SCHIP1: variants seen among roughly 807,000 people sequenced by gnomAD.
SCHIP1 encodes the protein schwannomin interacting protein 1, also known as schwannomin-interacting protein 1.
Under a neutral mutation model 29.7 loss-of-function variants are expected in SCHIP1, and 8 were observed. The ratio of observed to expected loss-of-function variants is 0.27; its 90% CI spans 0.16 to 0.49. The LOEUF is 0.49. Ranked by LOEUF, SCHIP1 falls within the 20% of genes least tolerant of loss-of-function variation. The pLI, the probability that SCHIP1 is intolerant of heterozygous loss-of-function variation, is 0.99. For missense variants in SCHIP1, 193 were observed against 294.6 expected, an observed-to-expected ratio of 0.66 and a Z score of 2.52; for synonymous variants, 76 against 94.9, an observed-to-expected ratio of 0.80 and a Z score of 1.16.
the SCHIP1 span, among the ~76,000 whole-genome samples, chr3:159,512,905 GT>G: frequency 2.8e-4 from 43 of 152,050 alleles, no homozygotes; most frequent in African/African-American, 1.0e-3. Context: ...GAGTTCAATT[GT>G]TTTGATTCTT....
chr3:159,328,626 C>T, the SCHIP1 span, among the ~76,000 whole-genome samples: 2 of 151,998 alleles, frequency 1.3e-5, no homozygotes, highest in Non-Finnish European at 2.9e-5. Flanking sequence ...CAGTGTGGAG[C>T]GTTGGGAGAA....
the SCHIP1 span, among the ~76,000 whole-genome samples, chr3:159,356,656 A>C: frequency 2.0e-5 from 3 of 152,226 alleles, no homozygotes; most frequent in African/African-American, 7.2e-5. Flanking sequence ...TGAACCATTA[A>C]CAACTTTTAA....
the SCHIP1 span, among the ~76,000 whole-genome samples, chr3:159,343,863 C>T: frequency 1.3e-5 from 2 of 152,042 alleles, no homozygotes; most frequent in Non-Finnish European, 2.9e-5. Context: ...TAAACAGAGG[C>T]ATATTATAAA....
the SCHIP1 span, among the ~76,000 whole-genome samples, chr3:159,581,473 C>T: frequency 2.3e-4 from 35 of 152,250 alleles, no homozygotes; most frequent in African/African-American, 6.7e-4. Flanking sequence ...TGCCCACCCG[C>T]GCCAGCAAAG....
intron 1 of SCHIP1, among the ~76,000 whole-genome samples, chr3:159,851,712 G>A (rs1464461567): frequency 2.0e-5 from 3 of 152,194 alleles, no homozygotes; most frequent in African/African-American, 7.2e-5. Context: ...TTGAGCACCT[G>A]CACGGGGCAC....
At chr3:159,568,322 C>A in the SCHIP1 span, among the ~76,000 whole-genome samples, 2 of 152,066 alleles carry the variant, frequency 1.3e-5, no homozygotes, top group African/African-American at 2.4e-5. Flanking sequence ...TAGGCCCCTC[C>A]ATACAATCTT....
the SCHIP1 span, among the ~76,000 whole-genome samples, chr3:159,438,715 C>A: frequency 1.3e-5 from 2 of 152,102 alleles, no homozygotes; most frequent in African/African-American, 4.8e-5. Context: ...CATTCAGCTC[C>A]CACTTATAAG....
At chr3:159,597,617 T>A in the SCHIP1 span, among the ~76,000 whole-genome samples, 16,270 of 152,104 alleles carry the variant, frequency 0.11, 945 homozygotes, top group Non-Finnish European at 0.14. Context: ...TCCTTTTTTT[T>A]AAAAAACAGG....
the SCHIP1 span, among the ~76,000 whole-genome samples, chr3:159,417,243 C>T: frequency 1.3e-5 from 2 of 152,266 alleles, no homozygotes; most frequent in African/African-American, 4.8e-5. Flanking sequence ...GGGTCCAAGT[C>T]ATTAGCACAA....
the SCHIP1 span, among the ~76,000 whole-genome samples, chr3:159,325,001 A>C: frequency 6.6e-6 from 1 of 152,084 alleles, no homozygotes; most frequent in African/African-American, 2.4e-5. Flanking sequence ...TGTCTTCATG[A>C]AGTTGTATGT....
At chr3:159,787,600 G>A in the SCHIP1 span, among the ~76,000 whole-genome samples, 1 of 152,160 alleles carries the variant, frequency 6.6e-6, no homozygotes, top group East Asian at 1.9e-4. Flanking sequence ...ATATTCTTTG[G>A]TTAACCTTTG....
At chr3:159,880,062 C>T (rs1716278531) in intron 2 of SCHIP1, among the ~76,000 whole-genome samples, 1 of 152,204 alleles carries the variant, frequency 6.6e-6, no homozygotes, top group Non-Finnish European at 1.5e-5. Flanking sequence ...CAGAGAGGGT[C>T]ATTCACACTC....
the SCHIP1 span, among the ~76,000 whole-genome samples, chr3:159,832,195 C>T: frequency 2.0e-5 from 3 of 152,240 alleles, no homozygotes; most frequent in East Asian, 5.8e-4. Context: ...CAGATCAAGG[C>T]CACCCAGCCA....
chr3:159,278,053 G>A, the SCHIP1 span, among the ~76,000 whole-genome samples: 1 of 152,180 alleles, frequency 6.6e-6, no homozygotes, highest in Non-Finnish European at 1.5e-5. Context: ...AATGGTGTGT[G>A]TGCATGTGTA....
At chr3:159,380,528 CAT>C in the SCHIP1 span, among the ~76,000 whole-genome samples, 473 of 152,032 alleles carry the variant, frequency 3.1e-3, 2 homozygotes, top group Non-Finnish European at 4.7e-3. Flanking sequence ...ATACTAGTAC[CAT>C]TATTATATTA....
chr3:159,484,955 C>T, the SCHIP1 span, among the ~76,000 whole-genome samples: 4 of 152,072 alleles, frequency 2.6e-5, no homozygotes, highest in African/African-American at 7.2e-5. Flanking sequence ...AGTAAATGGA[C>T]GTTTTACATT....
At chr3:159,286,396 A>G in the SCHIP1 span, among the ~76,000 whole-genome samples, 1 of 152,180 alleles carries the variant, frequency 6.6e-6, no homozygotes, top group African/African-American at 2.4e-5. Context: ...GCTGCAAAAG[A>G]CATGATTTCA....
chr3:159,343,554 C>G, the SCHIP1 span, among the ~76,000 whole-genome samples: 3 of 152,144 alleles, frequency 2.0e-5, no homozygotes, highest in African/African-American at 7.2e-5. Context: ...CTTTTGATGG[C>G]AAATCACAAG....
the SCHIP1 span, among the ~76,000 whole-genome samples, chr3:159,415,960 C>T: frequency 6.6e-6 from 1 of 152,150 alleles, no homozygotes; most frequent in African/African-American, 2.4e-5. Flanking sequence ...TTTTGCTTTG[C>T]TTTACAGCTA....
Sources: gnomAD v4.1 joint callset for allele counts (sites outside exome capture counted in the v4.1 genomes callset) on GRCh38, gnomAD v4.1.1 for gene constraint, MANE v1.5 for transcripts, NCBI Gene and HGNC (gene_info 2026-07-23, HGNC 2026-07-21) for gene names.